CNBD1: variants seen among roughly 807,000 people sequenced by gnomAD.
The protein encoded by CNBD1 is cyclic nucleotide-binding domain-containing protein 1.
A neutral mutation model predicts 54.4 loss-of-function variants in CNBD1; 71 were observed. The observed-to-expected ratio is 1.30, with a 90% CI of 1.08 to 1.59. The LOEUF is 1.59. Among genes scored for constraint, CNBD1 ranks in the 40% most tolerant of loss-of-function variants. The probability of loss-of-function intolerance (pLI) is 0.00; values close to 1 mark genes in which losing one functional copy is unlikely to be tolerated. For synonymous variants in CNBD1, 182 were observed against 170.7 expected (o/e 1.07, Z -0.51); for missense variants, 659 against 518.0 (o/e 1.27, Z -2.64).
At chr8:87,084,959 C>G (rs1811068622) in intron 4 of CNBD1, among the ~76,000 whole-genome samples, 1 of 152,192 alleles carries the variant, frequency 6.6e-6, no homozygotes, top group South Asian at 2.1e-4. Context: ...CAGGCGTGAG[C>G]CACTACGCCC....
intron 4 of CNBD1, among the ~76,000 whole-genome samples, chr8:87,192,360 GA>G (rs751667108): frequency 5.3e-5 from 8 of 151,992 alleles, no homozygotes; most frequent in Non-Finnish European, 1.0e-4. Context: ...AATAAACCTG[GA>G]ACATCTCCTG....
Position 87,390,928 on chromosome 8 carries a change from C to G in CNBD1, c.213+37142C>G, listed in dbSNP as rs571036334. Among the ~76,000 whole-genome samples, 3 of 152,234 alleles carry G rather than the reference C, an allele frequency of 2.0e-5. No homozygotes were observed. In the East Asian group the frequency reaches 5.8e-4, roughly 29 times the overall value. On this transcript the variant is annotated intron_variant, in intron 2 of 7. Coordinates refer to the CNBD1 transcript ENST00000521593. ...ATGCAGCCATAAAAAACGATGAGTT[C>G]ATATCCTTTGTAGGGAGATGGATGA... is the stretch of plus-strand genomic sequence containing the variant.
At chr8:87,019,925 C>A (rs1027893389) in intron 4 of CNBD1, among the ~76,000 whole-genome samples, 1 of 152,040 alleles carries the variant, frequency 6.6e-6, no homozygotes, top group African/African-American at 2.4e-5. Flanking sequence ...TAATGTTGGT[C>A]CTACAATTCT....
chr8:87,000,757 A>G (rs1808974302), intron 4 of CNBD1, among the ~76,000 whole-genome samples: 1 of 152,104 alleles, frequency 6.6e-6, no homozygotes, highest in Admixed American at 6.6e-5. Flanking sequence ...TTGTTCCATC[A>G]TCTTATGGCA....
intron 2 of CNBD1, among the ~76,000 whole-genome samples, chr8:87,392,302 G>A (rs1295027280): frequency 2.0e-5 from 3 of 151,858 alleles, no homozygotes; most frequent in Admixed American, 6.6e-5. Context: ...CTACTTCTAG[G>A]TCTATATCCA....
chr8:86,866,484 T>G lies in CNBD1; in HGVS notation c.-12T>G. ...CAGCCTCTGGTCATCTATCTGCCTT[T>G]GAGCCATCAAGATGCCGATGTCTTC... On this transcript the variant is annotated 5_prime_UTR_variant, in exon 1 of 11. Transcript: ENST00000518476. 6.2e-7 allele frequency: 1 copy of G among 1,604,478 alleles called. No homozygotes were observed.
At chr8:86,949,957 T>TGTTTTG (rs1554633441) in intron 4 of CNBD1, among the ~76,000 whole-genome samples, 2 of 122,096 alleles carry the variant, frequency 1.6e-5, no homozygotes, top group African/African-American at 6.2e-5. Flanking sequence ...CTTTTTTTTT[T>TGTTTTG]TTTTTTTTTT....
intron 4 of CNBD1, among the ~76,000 whole-genome samples, chr8:87,087,118 A>AT (rs1811109552): frequency 6.7e-6 from 1 of 150,368 alleles, no homozygotes; most frequent in Non-Finnish European, 1.5e-5. Context: ...GTGGCAGTTA[A>AT]TTCAACTTCC....
At chr8:87,091,361 A>G (rs1213353258) in intron 4 of CNBD1, among the ~76,000 whole-genome samples, 1 of 152,160 alleles carries the variant, frequency 6.6e-6, no homozygotes, top group African/African-American at 2.4e-5. Context: ...TTTTAAGATG[A>G]CATAACTGCA....
At chr8:87,003,345 T>C (rs1481332539) in intron 4 of CNBD1, among the ~76,000 whole-genome samples, 1 of 152,182 alleles carries the variant, frequency 6.6e-6, no homozygotes, top group African/African-American at 2.4e-5. Flanking sequence ...CTAAAATACC[T>C]AGATTATTAG....
intron 4 of CNBD1, among the ~76,000 whole-genome samples, chr8:86,967,995 G>A (rs953419250): frequency 2.0e-5 from 3 of 151,912 alleles, no homozygotes; most frequent in Non-Finnish European, 4.4e-5. Flanking sequence ...CTCAGTTTTT[G>A]GTGAGCTTGT....
In CNBD1 at chr8:86,866,603, A is replaced by T. The variant is rs1009587617; in HGVS notation, c.88+20A>T. ...TACCAAGTGAGTGGGAAATACTTTG[A>T]TGCTCTTATTCACCTACCATTGTTT... On this transcript the variant is annotated intron_variant, in intron 1 of 10. Transcript: ENST00000518476. 1.9e-6 allele frequency: 3 copies of T among 1,556,906 alleles called. No homozygotes were observed. The highest frequency in any genetic ancestry group is 2.7e-5 in the African/African-American group (2 of 73,768).
At position 86,998,837 on chromosome 8, in the gene CNBD1, C is replaced by T. The variant is rs547649351; in HGVS notation, c.431+59083C>T. 4.6e-5 allele frequency among the ~76,000 whole-genome samples: 7 copies of T among 152,278 alleles called. No homozygotes were observed. The East Asian group carries it at 1.4e-3, about 29-fold the overall frequency. ...TTTATGCCCTTCCATCCACATTTTA[C>T]AGGTAGATTTATGTCTACAAATGAG... On this transcript the variant is annotated intron_variant, in intron 4 of 10. Coordinates refer to ENST00000518476, the MANE Select transcript of CNBD1 (RefSeq NM_173538.3).
At chr8:87,138,751 G>A (rs983376165) in intron 4 of CNBD1, among the ~76,000 whole-genome samples, 31 of 152,144 alleles carry the variant, frequency 2.0e-4, no homozygotes, top group African/African-American at 7.2e-4. Flanking sequence ...GTTGTCCACT[G>A]AACTATAAAT....
intron 4 of CNBD1, among the ~76,000 whole-genome samples, chr8:87,188,688 T>C (rs1158187890): frequency 6.8e-6 from 1 of 147,840 alleles, no homozygotes; most frequent in East Asian, 2.0e-4. Flanking sequence ...ATTATGCCAC[T>C]ACAAGATCAC....
At chr8:87,160,313 AAAT>A (rs1336250241) in intron 4 of CNBD1, among the ~76,000 whole-genome samples, 2 of 152,060 alleles carry the variant, frequency 1.3e-5, no homozygotes, top group African/African-American at 2.4e-5. Flanking sequence ...GATTATTAAA[AAAT>A]AATAAAGCTT....
chr8:87,209,455 A>G (rs1184422444), intron 5 of CNBD1, among the ~76,000 whole-genome samples: 1 of 152,188 alleles, frequency 6.6e-6, no homozygotes, highest in African/African-American at 2.4e-5. Context: ...TTAGGTGTAA[A>G]TCTAATCAAG....
At chr8:87,404,732 T>A (rs1807624541) in intron 2 of CNBD1, among the ~76,000 whole-genome samples, 1 of 152,132 alleles carries the variant, frequency 6.6e-6, no homozygotes, top group Non-Finnish European at 1.5e-5. Context: ...CATATTCTCT[T>A]TCCAGTATGT....
chr8:87,089,414 G>A (rs1292186582), intron 4 of CNBD1, among the ~76,000 whole-genome samples: 1 of 152,068 alleles, frequency 6.6e-6, no homozygotes, highest in African/African-American at 2.4e-5. Context: ...CCAAGCAAGA[G>A]ATAATAAATT....
Sources: allele counts gnomAD v4.1 joint callset (sites outside exome capture counted in the v4.1 genomes callset), GRCh38; gene constraint gnomAD v4.1.1; transcripts MANE v1.5; gene names NCBI Gene and HGNC (gene_info 2026-07-23, HGNC 2026-07-21).